The following FAM177A1 variants were observed in gnomAD, a reference collection of about 807,000 sequenced individuals.
FAM177A1 encodes the protein family with sequence similarity 177 member A1.
In FAM177A1, 22 loss-of-function variants were observed where a neutral mutation model predicts 26.1. The observed-to-expected ratio is 0.84, with a 90% confidence interval of 0.60 to 1.20. The LOEUF is 1.20. Among genes scored for constraint, FAM177A1 ranks in the 50% most tolerant of loss-of-function variants. The pLI, the probability that FAM177A1 is intolerant of heterozygous loss-of-function variation, is 0.00. For missense variants in FAM177A1, 296 were observed against 291.1 expected, an observed-to-expected ratio of 1.02 and a Z score of -0.12; for synonymous variants, 95 against 99.3, an observed-to-expected ratio of 0.96 and a Z score of 0.26.
intron 4 of FAM177A1, among the ~76,000 whole-genome samples, chr14:35,079,959 C>A (rs1381472298): frequency 2.0e-5 from 3 of 152,140 alleles, no homozygotes; most frequent in African/African-American, 7.2e-5. Flanking sequence ...TGGTTTCAAA[C>A]CTGTTTTATG....
intron 2 of FAM177A1, among the ~76,000 whole-genome samples, chr14:35,062,938 A>G (rs2045181867): frequency 6.7e-6 from 1 of 148,298 alleles, no homozygotes; most frequent in Non-Finnish European, 1.5e-5. Context: ...TTGAAACCCC[A>G]TAACTTATTT....
At chr14:35,047,004 C>T (rs992131722) in intron 1 of FAM177A1, 1 of 1,038,264 alleles carries the variant, frequency 9.6e-7, no homozygotes, top group Non-Finnish European at 1.2e-6. Flanking sequence ...CGAGCGCCTG[C>T]CTGGGCATCT....
intron 2 of FAM177A1, among the ~76,000 whole-genome samples, chr14:35,068,823 G>T (rs1235768740): frequency 6.6e-6 from 1 of 152,300 alleles, no homozygotes; most frequent in South Asian, 2.1e-4. Context: ...CTGGCATCTG[G>T]CAAGGGCCTT....
intron 2 of FAM177A1, among the ~76,000 whole-genome samples, chr14:35,061,515 A>T (rs1359516142): frequency 9.7e-4 from 83 of 85,892 alleles, no homozygotes; most frequent in South Asian, 1.1e-3. Flanking sequence ...TTTTTTTCTC[A>T]TTTCTTTTTT....
At chr14:35,047,735 G>A (rs983427582) in intron 1 of FAM177A1, among the ~76,000 whole-genome samples, 9 of 149,852 alleles carry the variant, frequency 6.0e-5, no homozygotes, top group African/African-American at 1.2e-4. Context: ...GAGACAGAGC[G>A]AGACTCCGTC....
chr14:35,046,344 C>A lies in FAM177A1; in HGVS notation c.-120C>A. ...CGAGGCGCGGGCTGGCCCCGCCCCT[C>A]AGGCCGGCGAGTCCCCTTCTCAGAG... On this transcript the variant is annotated 5_prime_UTR_variant, in exon 1 of 5. Coordinates refer to ENST00000280987, the MANE Select transcript of FAM177A1 (RefSeq NM_173607.5). 1 of 1,230,954 alleles carries A rather than the reference C, an allele frequency of 8.1e-7. No homozygotes were observed. Among genetic ancestry groups the A allele is most frequent in the Non-Finnish European group, 1.1e-6 (1 of 935,338 alleles). The allele number at this position is 1,230,954 out of a possible 1,614,324, so 76.3% of individuals were successfully genotyped here. A position where few individuals can be genotyped will look rare whatever the true frequency, so the allele number is the denominator to read the frequency against.
chr14:35,069,428 G>A (rs2045286074), intron 2 of FAM177A1, among the ~76,000 whole-genome samples: 1 of 151,994 alleles, frequency 6.6e-6, no homozygotes. Context: ...TGGGATTACA[G>A]GCATGTGCCA....
At chr14:35,046,884 G>GCTT in intron 1 of FAM177A1, 1 of 1,301,742 alleles carries the variant, frequency 7.7e-7, no homozygotes, top group Non-Finnish European at 9.8e-7. Flanking sequence ...TGATAGTCCA[G>GCTT]CTTCTGGTCT....
At chr14:35,047,866 G>T (rs575406074) in intron 1 of FAM177A1, among the ~76,000 whole-genome samples, 1 of 152,116 alleles carries the variant, frequency 6.6e-6, no homozygotes, top group South Asian at 2.1e-4. Context: ...CTTCATTTTT[G>T]AGACTAAGTA....
At chr14:35,053,616 T>C (rs1013553966) in intron 2 of FAM177A1, among the ~76,000 whole-genome samples, 165 bp downstream of exon 2, 2 of 152,204 alleles carry the variant, frequency 1.3e-5, no homozygotes, top group Non-Finnish European at 2.9e-5. Flanking sequence ...TTACATGATA[T>C]GGACGGAAAT....
rs746678300 is a variant in FAM177A1, at chr14:35,081,178, A to T, written c.661A>T (p.Ser221Cys). Residue 221 changes from serine to cysteine, a missense_variant, in exon 5 of 5, where the codon AGT (serine) becomes TGT (cysteine). Transcript: ENST00000280987. ...VNVNFEMEGD[S>C]EVIMESKQNP... ...TGTCAATTTTGAAATGGAGGGAGACAGTGAAGTAATTATGGAAAGCAAGCA... is the reference window on the plus strand; with the variant it reads ...TGTCAATTTTGAAATGGAGGGAGACTGTGAAGTAATTATGGAAAGCAAGCA... 6.2e-7 allele frequency: 1 copy of T among 1,613,718 alleles called. No individual in the cohort carries two copies. Among genetic ancestry groups the T allele is most frequent in the Non-Finnish European group, 8.5e-7 (1 of 1,179,856 alleles).
Position 35,046,500 on chromosome 14 carries a change from A to G in FAM177A1, c.37A>G (p.Thr13Ala). 1.2e-6 allele frequency: 2 copies of G among 1,601,960 alleles called. No homozygotes were observed. The highest frequency in any genetic ancestry group is 1.7e-6 in the Non-Finnish European group (2 of 1,175,836). The change falls in exon 1 of 5, where the codon ACC (threonine) becomes GCC (alanine). Residue 13 changes from threonine (T) to alanine (A), a missense_variant. Transcript: ENST00000280987. The stretch of plus-strand genomic sequence containing the variant: ...CTTACCGGCCATTACCCTCTTTCTC[A>G]CCAGCGCCAGCAGCCCTGTGGTGGC... ...VGLPAITLFLTSASSPVVATT... is the reference protein window; with the variant it reads ...VGLPAITLFLASASSPVVATT...
intron 1 of FAM177A1, among the ~76,000 whole-genome samples, chr14:35,048,891 CTTT>C (rs71435848): frequency 3.6e-5 from 5 of 138,982 alleles, no homozygotes; most frequent in South Asian, 2.3e-4. Flanking sequence ...TTGTGACATT[CTTT>C]TTTTTTTTTT....
intron 1 of FAM177A1, among the ~76,000 whole-genome samples, chr14:35,051,361 C>G (rs2044967499): frequency 1.3e-5 from 2 of 152,116 alleles, no homozygotes; most frequent in South Asian, 4.1e-4. Flanking sequence ...ATCAGGTTAT[C>G]TTGCCTTGGC....
chr14:35,072,094 G>C (rs1280837469), intron 2 of FAM177A1, among the ~76,000 whole-genome samples: 1 of 152,132 alleles, frequency 6.6e-6, no homozygotes, highest in Non-Finnish European at 1.5e-5. Context: ...GGCCAATATA[G>C]TGAAACCCCA....
In FAM177A1 at chr14:35,070,165, GATCTTT is replaced by G. The variant is rs1183757553; in HGVS notation, c.340-6984_340-6979del. Among the ~76,000 whole-genome samples the G allele has an allele frequency of 2.5e-5, 3 of 122,264 alleles. No homozygotes were observed. The Admixed American group carries it at 2.8e-4, about 11-fold the overall frequency. 80.2% of individuals were successfully genotyped at this position (122,264 alleles called of 152,430 possible). On this transcript the variant is annotated intron_variant, in intron 2 of 4. Coordinates refer to ENST00000280987, the MANE Select transcript of FAM177A1 (RefSeq NM_173607.5). Reference sequence around the variant, plus strand: ...AAAAAAAAAAAGAAGTGAAGACCTAGATCTTTTTATAATCTTATAGTAACTCACTTC... The same window carrying G: ...AAAAAAAAAAAGAAGTGAAGACCTAGTTATAATCTTATAGTAACTCACTTC...
At chr14:35,073,748 A>C (rs767868782) in intron 2 of FAM177A1, among the ~76,000 whole-genome samples, 28 of 152,202 alleles carry the variant, frequency 1.8e-4, no homozygotes, top group Non-Finnish European at 4.4e-5. Flanking sequence ...AGATAAGGGC[A>C]GTCCTAATCA....
chr14:35,059,134 C>T (rs910262513), intron 2 of FAM177A1, among the ~76,000 whole-genome samples: 3 of 151,996 alleles, frequency 2.0e-5, no homozygotes, highest in African/African-American at 7.2e-5. Context: ...ACCATGTTAG[C>T]CAGAATGATC....
At chr14:35,052,670 A>G (rs546415243) in intron 1 of FAM177A1, among the ~76,000 whole-genome samples, 156 of 152,234 alleles carry the variant, frequency 1.0e-3, no homozygotes, top group Non-Finnish European at 1.7e-3. Context: ...TATGCCTGTA[A>G]TCCTAAAACT....
Sources: gnomAD v4.1 joint callset for allele counts (sites outside exome capture counted in the v4.1 genomes callset) on GRCh38, gnomAD v4.1.1 for gene constraint, MANE v1.5 for transcripts, NCBI Gene and HGNC (gene_info 2026-07-23, HGNC 2026-07-21) for gene names.